The following INPP4B variants were observed in gnomAD, a reference collection of about 807,000 sequenced individuals.
The protein encoded by INPP4B is inositol polyphosphate 4-phosphatase type II.
A neutral mutation model predicts 122.5 loss-of-function variants in INPP4B; 55 were observed. The ratio of observed to expected loss-of-function variants is 0.45; its 90% CI spans 0.36 to 0.56. The LOEUF (loss-of-function observed/expected upper bound fraction) is 0.56, where lower values mean the gene tolerates loss of function less well. INPP4B is among the 20% of genes least tolerant of loss of function. The probability of loss-of-function intolerance (pLI) is 0.00; values close to 1 mark genes in which losing one functional copy is unlikely to be tolerated. For missense variants in INPP4B, 1,000 were observed against 1,097.7 expected, an observed-to-expected ratio of 0.91 and a Z score of 1.26; for synonymous variants, 403 against 388.7, an observed-to-expected ratio of 1.04 and a Z score of -0.43.
intron 7 of INPP4B, among the ~76,000 whole-genome samples, chr4:142,362,027 T>C (rs190898971): frequency 2.6e-5 from 4 of 152,076 alleles, no homozygotes; most frequent in African/African-American, 4.8e-5. Context: ...ACAACCGTAA[T>C]GTATGACAGG....
intron 11 of INPP4B, among the ~76,000 whole-genome samples, chr4:142,259,608 T>A (rs1358847653): frequency 5.2e-5 from 7 of 134,238 alleles, no homozygotes; most frequent in African/African-American, 1.8e-4. Flanking sequence ...ATAATAATAA[T>A]AAATTAACCT....
At chr4:142,456,878 T>C (rs773070621) in intron 3 of INPP4B, among the ~76,000 whole-genome samples, 5 of 151,912 alleles carry the variant, frequency 3.3e-5, no homozygotes, top group Non-Finnish European at 7.4e-5. Flanking sequence ...AAAGAAAGGA[T>C]AGCAAAAACA....
chr4:142,135,134 C>A (rs1279170355), intron 18 of INPP4B, among the ~76,000 whole-genome samples: 2 of 152,172 alleles, frequency 1.3e-5, no homozygotes, highest in Non-Finnish European at 2.9e-5. Context: ...TCAAAAGTGT[C>A]AACAGCAATG....
intron 18 of INPP4B, among the ~76,000 whole-genome samples, chr4:142,125,951 T>G (rs1798460368): frequency 6.6e-6 from 1 of 152,148 alleles, no homozygotes; most frequent in African/African-American, 2.4e-5. Flanking sequence ...AGTCAAGTTT[T>G]GGGTAGTATT....
intron 2 of INPP4B, among the ~76,000 whole-genome samples, chr4:142,600,053 T>C (rs765087085): frequency 2.6e-5 from 4 of 152,142 alleles, no homozygotes; most frequent in Non-Finnish European, 5.9e-5. Flanking sequence ...ATATGAATTA[T>C]TGATATCCCC....
chr4:142,288,162 C>G (rs149979808), intron 9 of INPP4B, among the ~76,000 whole-genome samples: 3 of 152,238 alleles, frequency 2.0e-5, no homozygotes, highest in Non-Finnish European at 4.4e-5. Flanking sequence ...TCATCCATAA[C>G]ACTCTTCAAA....
chr4:142,526,447 G>A (rs959559027), intron 2 of INPP4B, among the ~76,000 whole-genome samples: 1 of 151,990 alleles, frequency 6.6e-6, no homozygotes, highest in African/African-American at 2.4e-5. Context: ...TCAATAACCT[G>A]TCAGAGACCA....
In INPP4B at chr4:142,445,873, T is replaced by A. The variant is rs901775097; in HGVS notation, c.-126-14488A>T. ...ACAAGGAGATTGAACTAGAAATAAC[T>A]AACAAACATATCTAGAATATTTCAA... On this transcript the variant is annotated intron_variant, in intron 3 of 25. Transcript: ENST00000262992. Among the ~76,000 whole-genome samples the A allele has an allele frequency of 2.0e-5, 3 of 152,168 alleles. No individual in the cohort carries two copies. In the South Asian group the frequency reaches 6.2e-4, roughly 32 times the overall value.
At chr4:142,753,657 G>T (rs1237691888) in intron 1 of INPP4B, among the ~76,000 whole-genome samples, 1 of 151,914 alleles carries the variant, frequency 6.6e-6, no homozygotes, top group Non-Finnish European at 1.5e-5. Flanking sequence ...TTACTTTAAG[G>T]ATTAATTTTA....
intron 1 of INPP4B, among the ~76,000 whole-genome samples, chr4:142,792,383 T>C (rs1776673827): frequency 2.6e-5 from 4 of 152,148 alleles, no homozygotes; most frequent in Admixed American, 2.6e-4. Context: ...TGAATATTAA[T>C]ATGAAACACA....
chr4:142,689,218 G>T (rs1483630733), intron 2 of INPP4B, among the ~76,000 whole-genome samples: 3 of 152,110 alleles, frequency 2.0e-5, no homozygotes, highest in Non-Finnish European at 4.4e-5. Context: ...ATTCTCAGGA[G>T]GCTAATGGTC....
chr4:142,246,020 G>A (rs1383061165), intron 11 of INPP4B, among the ~76,000 whole-genome samples: 21 of 139,694 alleles, frequency 1.5e-4, no homozygotes, highest in African/African-American at 4.8e-4. Context: ...ACACATGTGT[G>A]TATGTACACA....
rs751130776 is a variant in INPP4B at position 142,270,658 on chromosome 4, C to T, written c.615+5G>A. The T allele has an allele frequency of 6.4e-7, 1 of 1,558,716 alleles. No homozygotes were observed. Among genetic ancestry groups the T allele is most frequent in the Non-Finnish European group, 8.9e-7 (1 of 1,129,530 alleles). ...ATTTGTACAATGAGCAGACTGAGAT[C>T]CTACCTTTTGTCCCTGTACATCTGT... On this transcript the variant is annotated splice_donor_5th_base_variant and intron_variant, in intron 10 of 25. Coordinates refer to ENST00000262992, the MANE Select transcript of INPP4B (RefSeq NM_001101669.3).
chr4:142,520,495 A>C (rs1236073242), intron 2 of INPP4B, among the ~76,000 whole-genome samples: 1 of 152,024 alleles, frequency 6.6e-6, no homozygotes, highest in African/African-American at 2.4e-5. Context: ...TACGTAAGAA[A>C]TAAAATTTCA....
intron 1 of INPP4B, among the ~76,000 whole-genome samples, chr4:142,844,702 A>C (rs1025296573): frequency 1.3e-5 from 2 of 152,240 alleles, no homozygotes; most frequent in African/African-American, 4.8e-5. Context: ...TCAACTTCTT[A>C]CACATCATCA....
chr4:142,672,011 C>G (rs1350115544), intron 2 of INPP4B, among the ~76,000 whole-genome samples: 1 of 152,048 alleles, frequency 6.6e-6, no homozygotes, highest in African/African-American at 2.4e-5. Flanking sequence ...AACATGTAAC[C>G]CTCTGAGTCT....
chr4:142,822,999 T>A (rs537926418), intron 1 of INPP4B, among the ~76,000 whole-genome samples: 1 of 152,116 alleles, frequency 6.6e-6, no homozygotes, highest in African/African-American at 2.4e-5. Flanking sequence ...GTGGCCACCA[T>A]CTCAAAAGGT....
chr4:142,182,350 C>T (rs1410514912), intron 15 of INPP4B, among the ~76,000 whole-genome samples: 1 of 151,880 alleles, frequency 6.6e-6, no homozygotes, highest in African/African-American at 2.4e-5. Context: ...AGATTGAGAC[C>T]AACCTGGCTA....
chr4:142,192,737 T>G (rs897461238), intron 15 of INPP4B, among the ~76,000 whole-genome samples: 2 of 152,160 alleles, frequency 1.3e-5, no homozygotes, highest in African/African-American at 4.8e-5. Context: ...AGCCATATTC[T>G]CCATTCAGTA....
Sources: gnomAD v4.1 joint callset for allele counts (sites outside exome capture counted in the v4.1 genomes callset) on GRCh38, gnomAD v4.1.1 for gene constraint, MANE v1.5 for transcripts, NCBI Gene and HGNC (gene_info 2026-07-23, HGNC 2026-07-21) for gene names.